The following THRAP3 variants were observed in gnomAD, a reference collection of about 807,000 sequenced individuals.
The protein encoded by THRAP3 is thyroid hormone receptor-associated protein 3.
THRAP3 carries 16 observed loss-of-function variants against 101.0 expected under a neutral mutation model. The observed-to-expected ratio is 0.16, with a 90% CI of 0.11 to 0.24. The LOEUF (loss-of-function observed/expected upper bound fraction) is 0.24, where lower values mean the gene tolerates loss of function less well. Ranked by LOEUF, THRAP3 falls within the 10% of genes least tolerant of loss-of-function variation. The pLI, the probability that THRAP3 is intolerant of heterozygous loss-of-function variation, is 1.00. For synonymous variants in THRAP3, 407 were observed against 422.6 expected (o/e 0.96, Z 0.45); for missense variants, 989 against 1,202.7 (o/e 0.82, Z 2.63).
At chr1:36,290,237 C>A (rs1034761474) in intron 5 of THRAP3, among the ~76,000 whole-genome samples, 10 of 151,928 alleles carry the variant, frequency 6.6e-5, no homozygotes, top group African/African-American at 1.9e-4. Flanking sequence ...CCTCTGTCAC[C>A]CAGGCTGGAG....
rs541124905 is a variant in THRAP3, at chr1:36,288,278, C to G, written c.1041-782C>G. 311 of 727,594 alleles carry G rather than the reference C, an allele frequency of 4.3e-4. 2 individuals are homozygous for G. The African/African-American group carries it at 5.7e-3, about 13-fold the overall frequency. 45.1% of individuals were successfully genotyped at this position (727,594 alleles called of 1,614,324 possible). ...ATCACCTGAGCAGTGTACACTGTACCCAGTGTGTAGTTTTTTATCCTTGCC... is the reference window on the plus strand; with the variant it reads ...ATCACCTGAGCAGTGTACACTGTACGCAGTGTGTAGTTTTTTATCCTTGCC... On this transcript the variant is annotated intron_variant, in intron 4 of 11. Coordinates refer to ENST00000354618, the MANE Select transcript of THRAP3 (RefSeq NM_005119.4).
At chr1:36,264,821 C>A (rs574157444) in intron 2 of THRAP3, among the ~76,000 whole-genome samples, 53 of 152,018 alleles carry the variant, frequency 3.5e-4, no homozygotes, top group Non-Finnish European at 7.5e-4. Flanking sequence ...TTTGCTAGGG[C>A]TGCTATAATA....
chr1:36,266,025 G>A (rs565097543), intron 2 of THRAP3, among the ~76,000 whole-genome samples: 14 of 152,018 alleles, frequency 9.2e-5, no homozygotes, highest in African/African-American at 3.4e-4. Context: ...ATGGTGACAT[G>A]CACCTGTAAT....
At chr1:36,228,428 G>T (rs1329911704) in intron 1 of THRAP3, among the ~76,000 whole-genome samples, 3 of 152,196 alleles carry the variant, frequency 2.0e-5, no homozygotes, top group Non-Finnish European at 4.4e-5. Flanking sequence ...CACCATGCTG[G>T]CCAGGCTGGT....
intron 2 of THRAP3, among the ~76,000 whole-genome samples, chr1:36,279,391 C>T (rs1251135968): frequency 6.6e-6 from 1 of 151,960 alleles, no homozygotes; most frequent in African/African-American, 2.4e-5. Flanking sequence ...AAGAGTGAAC[C>T]CAGAGAACCC....
At chr1:36,212,458 T>C in the THRAP3 span, among the ~76,000 whole-genome samples, 1 of 150,000 alleles carries the variant, frequency 6.7e-6, no homozygotes, top group Non-Finnish European at 1.5e-5. Context: ...TCTTGCTCTT[T>C]CGGCCAGGCT....
intron 1 of THRAP3, among the ~76,000 whole-genome samples, chr1:36,243,641 C>T (rs1007851485): frequency 1.3e-5 from 2 of 152,158 alleles, no homozygotes; most frequent in Admixed American, 1.3e-4. Context: ...CAATCCTTTC[C>T]CCACCCTTCG....
At chr1:36,217,158 T>C in the THRAP3 span, among the ~76,000 whole-genome samples, 1 of 152,192 alleles carries the variant, frequency 6.6e-6, no homozygotes. Context: ...AATGCAGACA[T>C]ACAAACAATT....
chr1:36,290,522 G>A (rs756579673), intron 5 of THRAP3, among the ~76,000 whole-genome samples: 1 of 152,132 alleles, frequency 6.6e-6, no homozygotes, highest in Non-Finnish European at 1.5e-5. Context: ...CTGGCGTGCA[G>A]TGGTGCACTC....
intron 1 of THRAP3, among the ~76,000 whole-genome samples, chr1:36,234,174 C>T (rs1477091058): frequency 7.9e-5 from 12 of 152,098 alleles, no homozygotes; most frequent in South Asian, 2.1e-4. Context: ...AGGCTGGTCT[C>T]GAACTCCTTC....
intron 2 of THRAP3, among the ~76,000 whole-genome samples, chr1:36,262,656 T>G (rs1645460820): frequency 6.6e-6 from 1 of 152,226 alleles, no homozygotes; most frequent in African/African-American, 2.4e-5. Context: ...CTGAATCCCA[T>G]TCTCAGTTTC....
chr1:36,254,803 A>G (rs920348907), intron 1 of THRAP3, among the ~76,000 whole-genome samples: 2 of 152,214 alleles, frequency 1.3e-5, no homozygotes, highest in African/African-American at 4.8e-5. Context: ...AAAATTTTTT[A>G]AAACAGAAAC....
upstream of THRAP3, among the ~76,000 whole-genome samples, chr1:36,220,651 T>G (rs1023155433): frequency 6.6e-6 from 1 of 151,794 alleles, no homozygotes; most frequent in Non-Finnish European, 1.5e-5. Context: ...GAGACCAGAA[T>G]GGGCAATATA....
At chr1:36,222,457 A>C (rs1372844606), upstream of THRAP3, among the ~76,000 whole-genome samples, 1 of 151,448 alleles carries the variant, frequency 6.6e-6, no homozygotes, top group Non-Finnish European at 1.5e-5. Flanking sequence ...CCCAGGCTGG[A>C]GTGCAGTGGC....
intron 1 of THRAP3, among the ~76,000 whole-genome samples, chr1:36,246,599 T>C (rs1026102769): frequency 1.3e-5 from 2 of 152,010 alleles, no homozygotes; most frequent in Non-Finnish European, 2.9e-5. Context: ...TCCCAGCACT[T>C]TGGGAGGCTG....
intron 7 of THRAP3, among the ~76,000 whole-genome samples, chr1:36,293,028 C>CTTTTTTTTTTTTTTTTTTTTTTTTTTTTT (rs71053920): frequency 1.2e-5 from 1 of 82,798 alleles, no homozygotes. Flanking sequence ...CTTTTCTTGT[C>CTTTTTTTTTTTTTTTTTTTTTTTTTTTTT]TTTTTTTTTT....
At chr1:36,296,550 C>T (rs1557457429) in intron 8 of THRAP3, 33 bp from the exon 9 acceptor site, 1 of 1,501,262 alleles carries the variant, frequency 6.7e-7, no homozygotes, top group Non-Finnish European at 8.9e-7. Flanking sequence ...CTCTGAATCC[C>T]AGAAACCTTA....
At chr1:36,249,721 G>GC (rs1645275875) in intron 1 of THRAP3, among the ~76,000 whole-genome samples, 1 of 34,322 alleles carries the variant, frequency 2.9e-5, no homozygotes, top group African/African-American at 5.3e-5. Context: ...TGTGTGTGTG[G>GC]TGGAGGTTGA....
At chr1:36,216,872 T>A in the THRAP3 span, among the ~76,000 whole-genome samples, 1 of 152,200 alleles carries the variant, frequency 6.6e-6, no homozygotes, top group African/African-American at 2.4e-5. Context: ...CAGGTTGTAG[T>A]TTGCTGACCT....
Sources: allele counts gnomAD v4.1 joint callset (sites outside exome capture counted in the v4.1 genomes callset), GRCh38; gene constraint gnomAD v4.1.1; transcripts MANE v1.5; gene names NCBI Gene and HGNC (gene_info 2026-07-23, HGNC 2026-07-21).